TBC1D5: variants seen among roughly 807,000 people sequenced by gnomAD.
The protein encoded by TBC1D5 is TBC1 domain family member 5.
TBC1D5 carries 75 observed loss-of-function variants against 100.3 expected under a neutral mutation model. The observed-to-expected ratio is 0.75, with a 90% confidence interval of 0.62 to 0.91. The LOEUF (loss-of-function observed/expected upper bound fraction) is 0.91. Ranked by LOEUF, TBC1D5 falls within the 40% of genes least tolerant of loss-of-function variation. The pLI, the probability that TBC1D5 is intolerant of heterozygous loss-of-function variation, is 0.00. For synonymous variants in TBC1D5, 323 were observed against 325.6 expected (o/e 0.99, Z 0.09); for missense variants, 910 against 942.4 (o/e 0.97, Z 0.45).
At chr3:17,517,163 A>C in intron 2 of TBC1D5, among the ~76,000 whole-genome samples, 1 of 152,210 alleles carries the variant, frequency 6.6e-6, no homozygotes, top group Non-Finnish European at 1.5e-5. Context: ...AAAAGGAAAC[A>C]GTCATCTTTA....
At chr3:17,322,644 C>T (rs1453380631) in intron 13 of TBC1D5, among the ~76,000 whole-genome samples, 1 of 152,158 alleles carries the variant, frequency 6.6e-6, no homozygotes, top group East Asian at 1.9e-4. Flanking sequence ...AAAGTGTGCA[C>T]GACATTGTTA....
intron 1 of TBC1D5, among the ~76,000 whole-genome samples, chr3:17,719,218 T>C (rs1182838053): frequency 6.6e-6 from 1 of 152,194 alleles, no homozygotes; most frequent in Non-Finnish European, 1.5e-5. Context: ...ATAACACTGG[T>C]CACCATACAC....
rs537858751 is a variant in TBC1D5, at chr3:17,181,974, T to C, written c.1852+3135A>G. The stretch of plus-strand genomic sequence containing the variant: ...CACCTTAGTCCTTCCAATTTTGTTC[T>C]CCTTTAATAATGAGAAAGAGAAACA... On this transcript the variant is annotated intron_variant, in intron 19 of 21. Coordinates refer to ENST00000253692, the Ensembl canonical transcript of TBC1D5. Among the ~76,000 whole-genome samples the C allele has an allele frequency of 5.6e-4, 85 of 152,270 alleles. 1 individual carries two copies. Among genetic ancestry groups the C allele is most frequent in the Middle Eastern group, 6.8e-3 (2 of 294 alleles).
chr3:17,413,799 G>T lies in TBC1D5; in HGVS notation c.168-7273C>A, dbSNP rs77935562. Among the ~76,000 whole-genome samples the T allele has an allele frequency of 4.7e-4, 72 of 152,266 alleles. 2 individuals are homozygous for T. The East Asian group carries it at 0.014, about 29-fold the overall frequency. ...CTATCCCATTTTTAAGCTTAACATG[G>T]AAAGGAAACAATGTGTTTGTGGGCT... On this transcript the variant is annotated intron_variant, in intron 4 of 21. Coordinates refer to ENST00000253692, the Ensembl canonical transcript of TBC1D5.
At chr3:17,332,148 G>C (rs2086960547) in intron 13 of TBC1D5, among the ~76,000 whole-genome samples, 1 of 152,170 alleles carries the variant, frequency 6.6e-6, no homozygotes, top group Admixed American at 6.5e-5. Context: ...ATAAGAGATA[G>C]GCCTACAGAA....
At chr3:17,663,547 T>C (rs531615592) in intron 1 of TBC1D5, among the ~76,000 whole-genome samples, 1 of 152,272 alleles carries the variant, frequency 6.6e-6, no homozygotes, top group African/African-American at 2.4e-5. Flanking sequence ...TTAGCAGAGA[T>C]GTTTTCTTTT....
At chr3:17,205,269 C>T (rs950722065) in intron 18 of TBC1D5, among the ~76,000 whole-genome samples, 1 of 152,148 alleles carries the variant, frequency 6.6e-6, no homozygotes, top group Non-Finnish European at 1.5e-5. Context: ...TAGATGAACT[C>T]TAGATTCCAG....
chr3:17,217,184 CTA>C (rs2073749932), intron 17 of TBC1D5, among the ~76,000 whole-genome samples: 3 of 152,204 alleles, frequency 2.0e-5, no homozygotes, highest in Admixed American at 1.3e-4. Context: ...AAAAGTTCAT[CTA>C]TGTTATAGCA....
intron 1 of TBC1D5, among the ~76,000 whole-genome samples, chr3:17,716,701 A>T (rs2075268920): frequency 6.6e-6 from 1 of 152,182 alleles, no homozygotes; most frequent in African/African-American, 2.4e-5. Context: ...CTCCTTTTTC[A>T]TGTAATCATT....
At chr3:17,387,750 T>A (rs1047323645) in intron 8 of TBC1D5, among the ~76,000 whole-genome samples, 1 of 151,072 alleles carries the variant, frequency 6.6e-6, no homozygotes, top group Non-Finnish European at 1.5e-5. Context: ...CAAATCTGTT[T>A]TTGAAACATA....
At chr3:17,355,972 TTAAAA>T (rs2091180071) in intron 13 of TBC1D5, among the ~76,000 whole-genome samples, 1 of 152,138 alleles carries the variant, frequency 6.6e-6, no homozygotes, top group East Asian at 1.9e-4. Flanking sequence ...TAATGGTAAA[TTAAAA>T]TAAATGTGTA....
At chr3:17,161,183 T>C (rs2066000353) in exon 22 of TBC1D5, 5 of 1,614,226 alleles carry the variant, frequency 3.1e-6, no homozygotes, top group Non-Finnish European at 4.2e-6. Context: ...ACTGCTCCCA[T>C]CATCATCTTT....
intron 1 of TBC1D5, among the ~76,000 whole-genome samples, chr3:17,727,200 G>C (rs2076198581): frequency 6.6e-6 from 1 of 152,154 alleles, no homozygotes; most frequent in Non-Finnish European, 1.5e-5. Flanking sequence ...GGCCAAAATG[G>C]TGAAACTCCA....
chr3:17,542,458 T>C (rs1231184182), intron 2 of TBC1D5, among the ~76,000 whole-genome samples: 4 of 152,310 alleles, frequency 2.6e-5, no homozygotes, highest in African/African-American at 9.6e-5. Flanking sequence ...CCTCAAGTGA[T>C]GCTCCCACCT....
chr3:17,393,380 T>C (rs898241994), intron 8 of TBC1D5, among the ~76,000 whole-genome samples: 2 of 152,152 alleles, frequency 1.3e-5, no homozygotes, highest in Non-Finnish European at 2.9e-5. Context: ...ATCAATATCA[T>C]GAAAATGGCC....
chr3:17,214,001 C>CT (rs11393639), intron 18 of TBC1D5, among the ~76,000 whole-genome samples: 138,451 of 146,760 alleles, frequency 0.94, 65,527 homozygotes, highest in Non-Finnish European at 0.99. Context: ...AATGATGCTA[C>CT]TTTTTTTTTT....
Position 17,277,650 on chromosome 3 carries a change from A to G in TBC1D5, c.1245+14245T>C, listed in dbSNP as rs1202967186. 6.6e-5 allele frequency among the ~76,000 whole-genome samples: 10 copies of G among 152,352 alleles called. No individual in the cohort carries two copies. The East Asian group carries it at 1.9e-3, about 29-fold the overall frequency. The stretch of plus-strand genomic sequence containing the variant: ...GTGTGTTCCTTACAGAAGACCAAAG[A>G]GCTCCTGTTAACTTTCTTGTTAATA... On this transcript the variant is annotated intron_variant, in intron 15 of 21. Coordinates refer to ENST00000253692, the Ensembl canonical transcript of TBC1D5.
At chr3:17,688,435 T>C (rs2070642800) in intron 1 of TBC1D5, among the ~76,000 whole-genome samples, 1 of 152,236 alleles carries the variant, frequency 6.6e-6, no homozygotes, top group African/African-American at 2.4e-5. Context: ...GTATTGATTA[T>C]TTTTCATAAA....
At chr3:17,205,172 CTG>C (rs2071992089) in intron 18 of TBC1D5, among the ~76,000 whole-genome samples, 1 of 152,106 alleles carries the variant, frequency 6.6e-6, no homozygotes, top group Non-Finnish European at 1.5e-5. Flanking sequence ...TTAAATGAGA[CTG>C]TATTTTATTC....
Sources: gnomAD v4.1 joint callset for allele counts (sites outside exome capture counted in the v4.1 genomes callset) on GRCh38, gnomAD v4.1.1 for gene constraint, MANE v1.5 for transcripts, NCBI Gene and HGNC (gene_info 2026-07-23, HGNC 2026-07-21) for gene names.